Variants in LRBA observed in about 807,000 individuals in gnomAD.
LRBA encodes the protein LPS responsive beige-like anchor protein.
In LRBA, 176 loss-of-function variants were observed where a neutral mutation model predicts 330.0. That is an observed-to-expected ratio of 0.53 (90% CI 0.47 to 0.60). LRBA has a LOEUF of 0.60. Among genes scored for constraint, LRBA ranks in the 20% least tolerant of loss-of-function variants. LRBA has a pLI of 0.00. For synonymous variants in LRBA, 1,230 were observed against 1,193.0 expected (o/e 1.03, Z -0.64); for missense variants, 3,259 against 3,444.8 (o/e 0.95, Z 1.35).
In LRBA at chr4:150,490,999, G is replaced by A. The variant is rs1758867860; in HGVS notation, c.6367C>T (p.Leu2123=). Residue 2123 remains leucine (L), a synonymous_variant, in exon 41 of 57, where the codon CTG becomes TTG. Transcript: ENST00000651943. Reference sequence around the variant, plus strand: ...AAGATTGATCGTATCTCTGTGAACAGCCATTTTCCATGCAGCCCTTCTGTA... The same window carrying A: ...AAGATTGATCGTATCTCTGTGAACAACCATTTTCCATGCAGCCCTTCTGTA... ...AYTEGLHGKW[L]FTEIRSIFSR... The A allele has an allele frequency of 6.2e-7, 1 of 1,606,934 alleles. No homozygotes were observed. Among genetic ancestry groups the A allele is most frequent in the Non-Finnish European group, 8.5e-7 (1 of 1,175,344 alleles).
Position 150,417,696 on chromosome 4 carries a change from G to A in LRBA, c.7042-2106C>T, listed in dbSNP as rs1159375641. On this transcript the variant is annotated intron_variant, in intron 46 of 56. Transcript: ENST00000651943. The stretch of plus-strand genomic sequence containing the variant: ...ATTTTAAGTGCTAGTTTTCCCCTGA[G>A]TTTTAAAATTTGAGAGATGCATCAT... Among the ~76,000 whole-genome samples the A allele has an allele frequency of 2.0e-5, 3 of 152,018 alleles. No homozygotes were observed. In the East Asian group the frequency reaches 5.8e-4, roughly 29 times the overall value.
chr4:150,791,085 T>C lies in LRBA; in HGVS notation c.5580+6996A>G, dbSNP rs541217918. On this transcript the variant is annotated intron_variant, in intron 34 of 56. Transcript: ENST00000651943. ...ATTAAAATGTACTGAAACCAACATT[T>C]TCCAAACTTATTTAACACTGTATAT... 1.8e-4 allele frequency among the ~76,000 whole-genome samples: 28 copies of C among 152,342 alleles called. No individual in the cohort carries two copies. In the South Asian group the frequency reaches 5.8e-3, roughly 32 times the overall value.
intron 46 of LRBA, among the ~76,000 whole-genome samples, chr4:150,418,914 A>T (rs1222256478): frequency 6.6e-6 from 1 of 152,080 alleles, no homozygotes. Flanking sequence ...ACAGGCATAA[A>T]TTTTTTCCAA....
At chr4:150,735,224 T>C (rs1223576928) in intron 36 of LRBA, 34 bp downstream of exon 36, 2 of 1,460,458 alleles carry the variant, frequency 1.4e-6, no homozygotes, top group South Asian at 2.3e-5. Context: ...TAAAAAACGG[T>C]AACTTCCGCA....
chr4:150,309,099 T>A (rs890700854), intron 52 of LRBA, among the ~76,000 whole-genome samples: 1 of 152,176 alleles, frequency 6.6e-6, no homozygotes, highest in Non-Finnish European at 1.5e-5. Flanking sequence ...TGCCAGTTTT[T>A]ATCTTTTATT....
At chr4:150,533,326 C>T (rs904958799) in intron 40 of LRBA, among the ~76,000 whole-genome samples, 4 of 151,922 alleles carry the variant, frequency 2.6e-5, no homozygotes, top group African/African-American at 9.7e-5. Context: ...TCACATGTCA[C>T]CACATCTGGC....
chr4:150,417,259 T>C (rs75787843), intron 46 of LRBA, among the ~76,000 whole-genome samples: 5,509 of 152,192 alleles, frequency 0.036, 199 homozygotes, highest in African/African-American at 0.079. Context: ...ATATAAATAA[T>C]TGAAAAAGAA....
chr4:150,523,295 G>T (rs1409203665), intron 40 of LRBA, among the ~76,000 whole-genome samples: 1 of 152,100 alleles, frequency 6.6e-6, no homozygotes, highest in Non-Finnish European at 1.5e-5. Flanking sequence ...CTTTGGAGGT[G>T]ATCAAGTCAT....
chr4:150,860,815 C>CA lies in LRBA; in HGVS notation c.2766+6855dup, dbSNP rs924084995. Among the ~76,000 whole-genome samples, 661 of 130,940 alleles carry CA rather than the reference C, an allele frequency of 5.0e-3. 6 individuals are homozygous for CA. The highest frequency in any genetic ancestry group is 0.014 in the African/African-American group (513 of 35,660). 85.9% of individuals were successfully genotyped at this position (130,940 alleles called of 152,430 possible). On this transcript the variant is annotated intron_variant, in intron 22 of 56. Coordinates refer to ENST00000651943, the MANE Select transcript of LRBA (RefSeq NM_001364905.1). The stretch of plus-strand genomic sequence containing the variant: ...AGGGCGACAGAGCGAGACTCCGTCT[C>CA]AAAAAAAAAAAAGAAATATATAAAC...
In LRBA at chr4:150,935,184, A is replaced by C. The variant is rs561963975; in HGVS notation, c.217-6119T>G. ...AAGCAAAACTCCGTCTCACGAAAAA[A>C]AAAAAAAAGAAGAAAAGAAAATACT... is the stretch of plus-strand genomic sequence containing the variant. On this transcript the variant is annotated intron_variant, in intron 2 of 56. Coordinates refer to ENST00000651943, the MANE Select transcript of LRBA (RefSeq NM_001364905.1). Among the ~76,000 whole-genome samples, 10 of 152,020 alleles carry C rather than the reference A, an allele frequency of 6.6e-5. No individual in the cohort carries two copies. The South Asian group carries it at 1.9e-3, about 28-fold the overall frequency.
At chr4:150,395,673 AT>A (rs1744633330) in intron 47 of LRBA, among the ~76,000 whole-genome samples, 1 of 152,156 alleles carries the variant, frequency 6.6e-6, no homozygotes, top group Non-Finnish European at 1.5e-5. Context: ...CTCTTCATAA[AT>A]GTGACCTCAA....
chr4:150,633,932 T>G (rs544790058), intron 37 of LRBA, among the ~76,000 whole-genome samples: 1 of 152,060 alleles, frequency 6.6e-6, no homozygotes, highest in South Asian at 2.1e-4. Context: ...CTGGCCAACA[T>G]AGTGAAACCC....
chr4:150,935,641 T>C (rs1446488022), intron 2 of LRBA, among the ~76,000 whole-genome samples: 1 of 151,812 alleles, frequency 6.6e-6, no homozygotes, highest in Non-Finnish European at 1.5e-5. Context: ...GAATTAAATA[T>C]ATGAAAAAAG....
chr4:150,894,892 A>C (rs985658246), intron 16 of LRBA, among the ~76,000 whole-genome samples: 8 of 152,182 alleles, frequency 5.3e-5, no homozygotes, highest in African/African-American at 1.9e-4. Context: ...AAATCTAAAA[A>C]TTAATAGAAT....
chr4:150,759,647 C>T (rs563006474), intron 35 of LRBA, among the ~76,000 whole-genome samples: 1 of 152,150 alleles, frequency 6.6e-6, no homozygotes, highest in East Asian at 1.9e-4. Flanking sequence ...CAGTACTAAC[C>T]GTCATTCACA....
intron 28 of LRBA, 151 bp from the exon 29 acceptor site, chr4:150,832,127 A>C: frequency 2.3e-6 from 1 of 443,582 alleles, no homozygotes; most frequent in African/African-American, 2.0e-5. Context: ...TTTATTAATA[A>C]ACTTACTTGA....
intron 44 of LRBA, among the ~76,000 whole-genome samples, chr4:150,464,328 T>C (rs184250428): frequency 2.0e-5 from 3 of 152,186 alleles, no homozygotes; most frequent in East Asian, 3.9e-4. Context: ...AAAAATGATA[T>C]TTTTACTTTT....
chr4:150,782,789 C>T (rs556478275), intron 34 of LRBA, among the ~76,000 whole-genome samples: 11 of 152,186 alleles, frequency 7.2e-5, no homozygotes, highest in African/African-American at 2.2e-4. Flanking sequence ...CAGTCAATCA[C>T]GCTGAAGAAA....
At chr4:150,757,092 G>T (rs1292806876) in intron 35 of LRBA, among the ~76,000 whole-genome samples, 1 of 151,934 alleles carries the variant, frequency 6.6e-6, no homozygotes, top group East Asian at 1.9e-4. Flanking sequence ...AGTCATCAAG[G>T]TTGTAACAAT....
Sources: allele counts gnomAD v4.1 joint callset (sites outside exome capture counted in the v4.1 genomes callset), GRCh38; gene constraint gnomAD v4.1.1; transcripts MANE v1.5; gene names NCBI Gene and HGNC (gene_info 2026-07-23, HGNC 2026-07-21).